Variants in CTNND2 observed in about 807,000 individuals in gnomAD.
The protein encoded by CTNND2 is catenin delta 2.
A neutral mutation model predicts 144.4 loss-of-function variants in CTNND2; 22 were observed. The ratio of observed to expected loss-of-function variants is 0.15; its 90% CI spans 0.11 to 0.22. The LOEUF (loss-of-function observed/expected upper bound fraction) is 0.22. CTNND2 is among the 10% of genes least tolerant of loss of function. CTNND2 has a pLI of 1.00. For synonymous variants in CTNND2, 751 were observed against 695.6 expected (o/e 1.08, Z -1.25); for missense variants, 1,353 against 1,618.8 (o/e 0.84, Z 2.82).
At chr5:11,570,429 G>A (rs1335262061) in intron 2 of CTNND2, among the ~76,000 whole-genome samples, 1 of 152,068 alleles carries the variant, frequency 6.6e-6, no homozygotes, top group African/African-American at 2.4e-5. Flanking sequence ...ATGAATGAGA[G>A]GTATTATGTT....
At chr5:11,669,340 C>T (rs1783750248) in intron 2 of CTNND2, among the ~76,000 whole-genome samples, 1 of 152,110 alleles carries the variant, frequency 6.6e-6, no homozygotes, top group African/African-American at 2.4e-5. Flanking sequence ...AGGAATGGTA[C>T]CTTCCGCTCT....
chr5:11,835,464 G>A (rs1466596509), intron 1 of CTNND2, among the ~76,000 whole-genome samples: 1 of 151,874 alleles, frequency 6.6e-6, no homozygotes, highest in Non-Finnish European at 1.5e-5. Context: ...TTCTTTTCTG[G>A]AAGGTTTTAA....
At chr5:11,573,399 G>A (rs1413425320) in intron 2 of CTNND2, among the ~76,000 whole-genome samples, 1 of 151,956 alleles carries the variant, frequency 6.6e-6, no homozygotes. Context: ...CATTTCACAT[G>A]AATGAGTTGA....
chr5:11,238,697 CAGAT>C (rs1273265426), intron 9 of CTNND2, among the ~76,000 whole-genome samples: 1 of 152,112 alleles, frequency 6.6e-6, no homozygotes, highest in Non-Finnish European at 1.5e-5. Flanking sequence ...TATACACACA[CAGAT>C]ATATATACAC....
rs904550383 is a variant in CTNND2, at chr5:11,569,514, G to A, written c.175-4458C>T. ...GATTTATTTGGTTTAATTAAATGGA[G>A]TTTATTAAATGTTTTTAAGTAGATA... On this transcript the variant is annotated intron_variant, in intron 2 of 21. Transcript: ENST00000304623. Among the ~76,000 whole-genome samples the A allele has an allele frequency of 2.6e-5, 4 of 152,048 alleles. No homozygotes were observed. The South Asian group carries it at 8.3e-4, about 32-fold the overall frequency.
intron 1 of CTNND2, among the ~76,000 whole-genome samples, chr5:11,827,390 C>T (rs971389407): frequency 9.9e-5 from 15 of 152,112 alleles, no homozygotes; most frequent in African/African-American, 1.2e-4. Flanking sequence ...AGTCAAGAAT[C>T]TAAACTTCTA....
chr5:11,611,710 C>T (rs893767061), intron 2 of CTNND2, among the ~76,000 whole-genome samples: 2 of 152,220 alleles, frequency 1.3e-5, no homozygotes, highest in South Asian at 2.1e-4. Flanking sequence ...CCCGGGAGGC[C>T]GAGGCTGCAG....
intron 2 of CTNND2, among the ~76,000 whole-genome samples, chr5:11,576,265 G>A (rs964748322): frequency 1.3e-5 from 2 of 151,638 alleles, no homozygotes; most frequent in African/African-American, 4.8e-5. Context: ...AATTTTTCAT[G>A]AAAAATAACA....
intron 1 of CTNND2, among the ~76,000 whole-genome samples, chr5:11,893,270 G>A (rs1737127228): frequency 6.6e-6 from 1 of 152,332 alleles, no homozygotes; most frequent in South Asian, 2.1e-4. Context: ...AGGCTGCACA[G>A]CCATCTCAGT....
At chr5:11,253,896 T>C (rs1213287687) in intron 9 of CTNND2, among the ~76,000 whole-genome samples, 1 of 152,234 alleles carries the variant, frequency 6.6e-6, no homozygotes, top group Non-Finnish European at 1.5e-5. Context: ...TTAAATAAGG[T>C]CTGATACAAA....
intron 7 of CTNND2, among the ~76,000 whole-genome samples, chr5:11,382,859 A>C (rs1319357113): frequency 6.6e-6 from 1 of 152,082 alleles, no homozygotes; most frequent in African/African-American, 2.4e-5. Flanking sequence ...GAGGTCTTGG[A>C]GTTGCAATAT....
intron 8 of CTNND2, among the ~76,000 whole-genome samples, chr5:11,360,064 G>C (rs562864509): frequency 1.3e-4 from 20 of 152,242 alleles, no homozygotes; most frequent in African/African-American, 4.6e-4. Context: ...TGGAGGACCT[G>C]TTTGATTACA....
At chr5:11,599,972 A>C (rs1779699482) in intron 2 of CTNND2, among the ~76,000 whole-genome samples, 1 of 152,194 alleles carries the variant, frequency 6.6e-6, no homozygotes, top group Admixed American at 6.6e-5. Context: ...GCATCAAGGT[A>C]CCTACTTTTA....
intron 9 of CTNND2, among the ~76,000 whole-genome samples, chr5:11,272,372 A>AT (rs1223023699): frequency 1.3e-5 from 2 of 152,016 alleles, no homozygotes; most frequent in Admixed American, 6.6e-5. Flanking sequence ...AGTCTAGGAA[A>AT]TTTTTTTTGA....
At chr5:11,872,936 T>C (rs1448053108) in intron 1 of CTNND2, among the ~76,000 whole-genome samples, 12 of 152,182 alleles carry the variant, frequency 7.9e-5, no homozygotes. Context: ...GACATAGGCA[T>C]TGACAAAGAC....
intron 9 of CTNND2, among the ~76,000 whole-genome samples, chr5:11,266,778 A>G (rs367887296): frequency 3.9e-4 from 60 of 152,380 alleles, no homozygotes; most frequent in Admixed American, 8.5e-4. Context: ...ATTTTAATAA[A>G]GAAGCTGCCA....
At chr5:11,462,192 C>T (rs548417851) in intron 3 of CTNND2, among the ~76,000 whole-genome samples, 42 of 152,156 alleles carry the variant, frequency 2.8e-4, no homozygotes, top group African/African-American at 9.2e-4. Context: ...AAGCAGAGGG[C>T]ATAATTCCTG....
intron 6 of CTNND2, among the ~76,000 whole-genome samples, chr5:11,393,086 A>G (rs989210930): frequency 2.0e-5 from 3 of 152,240 alleles, no homozygotes; most frequent in Non-Finnish European, 4.4e-5. Flanking sequence ...AGAAGTGAGC[A>G]GATGGTGTAC....
chr5:11,330,380 A>C (rs1752983489), intron 9 of CTNND2, among the ~76,000 whole-genome samples: 1 of 138,520 alleles, frequency 7.2e-6, no homozygotes, highest in African/African-American at 2.6e-5. Flanking sequence ...GCTACTCAGG[A>C]GGCTGAAGCA....
Sources: allele counts gnomAD v4.1 joint callset (sites outside exome capture counted in the v4.1 genomes callset), GRCh38; gene constraint gnomAD v4.1.1; transcripts MANE v1.5; gene names NCBI Gene and HGNC (gene_info 2026-07-23, HGNC 2026-07-21).